Variants in MAPT observed in about 807,000 individuals in gnomAD.
The protein encoded by MAPT is microtubule-associated protein tau.
MAPT carries 34 observed loss-of-function variants against 67.9 expected under a neutral mutation model. The observed-to-expected ratio is 0.50, with a 90% CI of 0.38 to 0.67. The LOEUF (loss-of-function observed/expected upper bound fraction) is 0.67. Ranked by LOEUF, MAPT falls within the 30% of genes least tolerant of loss-of-function variation. The pLI is 0.00. For missense variants in MAPT, 881 were observed against 1,115.2 expected (o/e 0.79, Z 2.99); for synonymous variants, 456 against 464.5 (o/e 0.98, Z 0.23).
chr17:46,024,072 C>A lies in MAPT; in HGVS notation c.2403C>A (p.Ser801Arg). Residue 801 changes from serine (S) to arginine (R), a missense_variant, in exon 13 of 13, where the codon AGC (serine) becomes AGA (arginine). This residue lies in a region of MAPT where 79 missense variants were observed against 150.9 expected (regional missense o/e 0.52). Coordinates refer to ENST00000262410, the MANE Select transcript of MAPT (RefSeq NM_001377265.1). ...GGGACACGTCTCCACGGCATCTCAG[C>A]AATGTCTCCTCCACCGGCAGCATCG... ...VSGDTSPRHLSNVSSTGSIDM... is the reference protein window; with the variant it reads ...VSGDTSPRHLRNVSSTGSIDM... 4 of 1,614,172 alleles carry A rather than the reference C, an allele frequency of 2.5e-6. No individual in the cohort carries two copies. Among genetic ancestry groups the A allele is most frequent in the Non-Finnish European group, 3.4e-6 (4 of 1,180,032 alleles).
chr17:46,000,146 C>G (rs906729953), intron 9 of MAPT, among the ~76,000 whole-genome samples: 1 of 152,136 alleles, frequency 6.6e-6, no homozygotes, highest in African/African-American at 2.4e-5. Flanking sequence ...TCAACCGTGC[C>G]GGAACAGATG....
intron 6 of MAPT, 56 bp from the exon 7 acceptor site, chr17:45,989,821 GT>G: frequency 6.8e-7 from 1 of 1,481,430 alleles, no homozygotes; most frequent in Non-Finnish European, 9.4e-7. Flanking sequence ...TTTTCAGTTT[GT>G]TTCCCTCCTC....
At chr17:45,921,932 C>T (rs1196623325) in intron 1 of MAPT, among the ~76,000 whole-genome samples, 1 of 152,062 alleles carries the variant, frequency 6.6e-6, no homozygotes, top group Non-Finnish European at 1.5e-5. Flanking sequence ...AAGCCCGGGA[C>T]CCTCAGCAAG....
intron 11 of MAPT, among the ~76,000 whole-genome samples, chr17:46,016,713 G>C (rs2076205198): frequency 6.6e-6 from 1 of 152,224 alleles, no homozygotes; most frequent in South Asian, 2.1e-4. Context: ...GGAGCTTGCA[G>C]TGAGCCAAGA....
At chr17:45,916,296 C>T (rs764795030) in intron 1 of MAPT, among the ~76,000 whole-genome samples, 13 of 152,252 alleles carry the variant, frequency 8.5e-5, no homozygotes, top group Non-Finnish European at 1.8e-4. Context: ...TGCGTGTGCT[C>T]TGCAGAGGGC....
intron 2 of MAPT, among the ~76,000 whole-genome samples, chr17:45,968,398 C>G (rs2071306521): frequency 6.6e-6 from 1 of 152,140 alleles, no homozygotes; most frequent in Non-Finnish European, 1.5e-5. Context: ...ATCAGCCACC[C>G]CTGTCTGCCC....
chr17:45,988,289 C>A (rs2073763167), intron 6 of MAPT, among the ~76,000 whole-genome samples: 1 of 152,222 alleles, frequency 6.6e-6, no homozygotes, highest in Non-Finnish European at 1.5e-5. Context: ...CCTAGAAGCC[C>A]AGTGAAGTCT....
intron 8 of MAPT, among the ~76,000 whole-genome samples, chr17:45,991,995 A>G (rs1156311875): frequency 6.6e-6 from 1 of 152,198 alleles, no homozygotes; most frequent in East Asian, 1.9e-4. Flanking sequence ...CATGTTGGCC[A>G]GGCTGGTCTC....
chr17:45,936,430 TG>T (rs2067334644), intron 1 of MAPT, among the ~76,000 whole-genome samples: 1 of 152,240 alleles, frequency 6.6e-6, no homozygotes, highest in Non-Finnish European at 1.5e-5. Context: ...TGCGTGGGCA[TG>T]GGACACTCAC....
chr17:45,956,632 A>G (rs1479705964), intron 1 of MAPT, among the ~76,000 whole-genome samples: 24 of 148,218 alleles, frequency 1.6e-4, no homozygotes, highest in African/African-American at 6.0e-4. Flanking sequence ...GTTCTAGGGT[A>G]CATGTGCACA....
chr17:45,920,027 G>A (rs2065545666), intron 1 of MAPT, among the ~76,000 whole-genome samples: 1 of 152,260 alleles, frequency 6.6e-6, no homozygotes, highest in African/African-American at 2.4e-5. Flanking sequence ...GGCCTTTGCA[G>A]GCTGGCCTGG....
intron 1 of MAPT, among the ~76,000 whole-genome samples, chr17:45,961,875 A>C (rs1044231860): frequency 1.1e-4 from 17 of 151,804 alleles, no homozygotes; most frequent in Non-Finnish European, 2.2e-4. Context: ...TGCCAGGTTC[A>C]ATTGATTCTC....
intron 5 of MAPT, 49 bp from the exon 6 acceptor site, chr17:45,986,991 A>G (rs1371642746): frequency 1.9e-6 from 3 of 1,542,272 alleles, no homozygotes; most frequent in Non-Finnish European, 2.7e-6. Flanking sequence ...GCTTTCTGTG[A>G]ACAGTGAAAA....
At chr17:45,975,939 T>G (rs1195892750) in intron 3 of MAPT, 3 of 147,348 alleles carry the variant, frequency 2.0e-5, no homozygotes, top group Admixed American at 1.4e-4. Context: ...TTTGAATTCT[T>G]CTACTCTTAC....
chr17:45,986,938 A>T, intron 5 of MAPT, 102 bp from the exon 6 acceptor site: 1 of 1,022,930 alleles, frequency 9.8e-7, no homozygotes, highest in Non-Finnish European at 1.5e-6. Context: ...CCAACTAAAC[A>T]AACATGGACC....
At chr17:45,967,490 C>T (rs1239154692) in intron 2 of MAPT, among the ~76,000 whole-genome samples, 1 of 152,302 alleles carries the variant, frequency 6.6e-6, no homozygotes. Context: ...CGGCAGTTTG[C>T]AGGCTTTTGC....
At chr17:45,908,609 AG>A (rs1420251360) in intron 1 of MAPT, among the ~76,000 whole-genome samples, 1 of 152,134 alleles carries the variant, frequency 6.6e-6, no homozygotes, top group Non-Finnish European at 1.5e-5. Context: ...GACCAGGAAA[AG>A]GGGGAGTGAT....
At chr17:45,905,597 A>T (rs774453009) in intron 1 of MAPT, among the ~76,000 whole-genome samples, 98 of 152,326 alleles carry the variant, frequency 6.4e-4, no homozygotes, top group Non-Finnish European at 1.0e-3. Flanking sequence ...GTTACCAGTA[A>T]GACTGAATTC....
intron 2 of MAPT, among the ~76,000 whole-genome samples, chr17:45,965,000 G>A (rs55907036): frequency 0.14 from 21,737 of 152,094 alleles, 2,102 homozygotes; most frequent in Non-Finnish European, 0.22. Context: ...GGTGCTGCTG[G>A]GGGAAACTGG....
Sources: gnomAD v4.1 joint callset for allele counts (sites outside exome capture counted in the v4.1 genomes callset) on GRCh38, gnomAD v4.1.1 for gene constraint, gnomAD v4.1.1 regional missense constraint, MANE v1.5 for transcripts, NCBI Gene and HGNC (gene_info 2026-07-23, HGNC 2026-07-21) for gene names.